Variants in SLF2 observed in about 807,000 individuals in gnomAD.
SLF2 encodes SMC5/6 complex localization factor 2.
Under a neutral mutation model 124.3 loss-of-function variants are expected in SLF2, and 68 were observed. The ratio of observed to expected loss-of-function variants is 0.55; its 90% confidence interval spans 0.45 to 0.67. The LOEUF (loss-of-function observed/expected upper bound fraction) is 0.67, where lower values mean the gene tolerates loss of function less well. Ranked by LOEUF, SLF2 falls within the 30% of genes least tolerant of loss-of-function variation. The pLI, the probability that SLF2 is intolerant of heterozygous loss-of-function variation, is 0.00. For synonymous variants in SLF2, 480 were observed against 478.8 expected, an observed-to-expected ratio of 1.00 and a Z score of -0.03; for missense variants, 1,246 against 1,373.7, an observed-to-expected ratio of 0.91 and a Z score of 1.47.
intron 13 of SLF2, 64 bp downstream of exon 13, chr10:100,945,570 A>C (rs566545845): frequency 7.1e-5 from 89 of 1,250,028 alleles, no homozygotes; most frequent in South Asian, 6.7e-4. Flanking sequence ...CTCATAGTGC[A>C]TATGGAATTA....
At chr10:100,949,548 C>T (rs1323273618) in intron 15 of SLF2, among the ~76,000 whole-genome samples, 1 of 151,900 alleles carries the variant, frequency 6.6e-6, no homozygotes, top group Non-Finnish European at 1.5e-5. Flanking sequence ...CGTTTGGTCT[C>T]CTAAGCATTT....
rs970439495 is a variant in SLF2, at chr10:100,936,158, G to A, written c.2437-1244G>A. Among the ~76,000 whole-genome samples the A allele has an allele frequency of 9.3e-5, 14 of 151,330 alleles. 1 individual carries two copies. The highest frequency in any genetic ancestry group is 3.4e-4 in the African/African-American group (14 of 41,116). ...TTACAGGTGTGAGACACTGCGCCTG[G>A]CCCTAGTGTAAAAGTTTTAACCAAA... On this transcript the variant is annotated intron_variant, in intron 9 of 19. Coordinates refer to ENST00000238961, the MANE Select transcript of SLF2 (RefSeq NM_018121.4).
intron 12 of SLF2, 68 bp downstream of exon 12, chr10:100,944,196 TAA>T (rs769926524): frequency 3.2e-4 from 264 of 836,844 alleles, no homozygotes; most frequent in Admixed American, 3.7e-4. Flanking sequence ...TAATGGTTTT[TAA>T]AAAAAAAAAA....
At chr10:100,949,476 A>G (rs2133818716) in intron 15 of SLF2, among the ~76,000 whole-genome samples, 1 of 152,322 alleles carries the variant, frequency 6.6e-6, no homozygotes, top group African/African-American at 2.4e-5. Context: ...CACAGAGTCA[A>G]CTTTGTTGAC....
chr10:100,952,387 C>CA (rs1001039652), intron 17 of SLF2, among the ~76,000 whole-genome samples: 23 of 145,262 alleles, frequency 1.6e-4, no homozygotes, highest in Admixed American at 9.7e-4. Flanking sequence ...ACTAAAAATA[C>CA]AAAAAAAAAA....
intron 4 of SLF2, among the ~76,000 whole-genome samples, chr10:100,919,173 G>A (rs986329635): frequency 9.9e-5 from 15 of 151,790 alleles, no homozygotes; most frequent in Admixed American, 2.6e-4. Context: ...CACCATGCCC[G>A]ACTAATTTTT....
chr10:100,960,092 G>A (rs1187704679), intron 19 of SLF2, among the ~76,000 whole-genome samples: 1 of 152,122 alleles, frequency 6.6e-6, no homozygotes, highest in Non-Finnish European at 1.5e-5. Context: ...ATAATAATAA[G>A]TGAATCCATG....
intron 16 of SLF2, 120 bp from the exon 17 acceptor site, chr10:100,950,556 C>A: frequency 1.3e-6 from 1 of 794,044 alleles, no homozygotes; most frequent in South Asian, 1.8e-5. Flanking sequence ...ACTTACTGAC[C>A]AGCTGGGTTA....
intron 6 of SLF2, among the ~76,000 whole-genome samples, chr10:100,928,835 G>A (rs1029213556): frequency 3.3e-5 from 5 of 152,116 alleles, no homozygotes; most frequent in Admixed American, 1.3e-4. Flanking sequence ...TTAAGTGCTC[G>A]GTAAATGTTA....
At chr10:100,936,317 TTTTTGTTTTG>T (rs3051169) in intron 9 of SLF2, among the ~76,000 whole-genome samples, 111 of 148,434 alleles carry the variant, frequency 7.5e-4, no homozygotes, top group African/African-American at 2.3e-3. Context: ...GTGATATCTT[TTTTTGTTTTG>T]TTTTGTTTTG....
chr10:100,926,217 C>CAAG, intron 6 of SLF2, 198 bp downstream of exon 6: 1 of 1,543,584 alleles, frequency 6.5e-7, no homozygotes. Flanking sequence ...GAGACCCAGG[C>CAAG]AAGATTACTT....
Position 100,937,486 on chromosome 10 carries a change from A to G in SLF2, c.2512+9A>G, listed in dbSNP as rs1335115372. The G allele has an allele frequency of 3.3e-6, 5 of 1,496,308 alleles. No individual in the cohort carries two copies. The Admixed American group carries it at 8.4e-5, about 25-fold the overall frequency. 92.7% of individuals were successfully genotyped at this position (1,496,308 alleles called of 1,614,324 possible). A position where few individuals can be genotyped will look rare whatever the true frequency, so the allele number is the denominator to read the frequency against. On this transcript the variant is annotated intron_variant, in intron 10 of 19. Transcript: ENST00000238961. Reference sequence around the variant, plus strand: ...AATAACAATTAGAAATGGTAAGTATATCAACTTATTAAGATTTACCGTGTG... The same window carrying G: ...AATAACAATTAGAAATGGTAAGTATGTCAACTTATTAAGATTTACCGTGTG...
chr10:100,946,998 G>A, intron 13 of SLF2, 41 bp from the exon 14 acceptor site: 2 of 1,492,864 alleles, frequency 1.3e-6, no homozygotes, highest in Non-Finnish European at 1.9e-6. Context: ...TTATTCTACT[G>A]TTCTGTTTGA....
chr10:100,956,668 T>C (rs2133830986), intron 18 of SLF2, 131 bp downstream of exon 18: 1 of 621,462 alleles, frequency 1.6e-6, no homozygotes, highest in South Asian at 2.4e-5. Flanking sequence ...CTCATGCCTG[T>C]AATCCCAATA....
At chr10:100,933,676 A>G (rs145981686) in intron 9 of SLF2, among the ~76,000 whole-genome samples, 174 of 151,912 alleles carry the variant, frequency 1.1e-3, no homozygotes, top group African/African-American at 3.6e-3. Flanking sequence ...TTATTTATTT[A>G]TTTGTTTGTT....
At chr10:100,943,818 G>A (rs1662832677) in intron 11 of SLF2, 1 of 426,760 alleles carries the variant, frequency 2.3e-6, no homozygotes, top group African/African-American at 2.1e-5. Context: ...AGAGACTTTT[G>A]AGGGGAATGG....
At chr10:100,941,467 A>G (rs1337488714) in intron 11 of SLF2, among the ~76,000 whole-genome samples, 2 of 151,790 alleles carry the variant, frequency 1.3e-5, no homozygotes, top group Non-Finnish European at 2.9e-5. Context: ...ATTCCTTTTC[A>G]TTTCCTGAGT....
chr10:100,929,009 G>A (rs1849674072), intron 6 of SLF2, among the ~76,000 whole-genome samples: 1 of 152,174 alleles, frequency 6.6e-6, no homozygotes, highest in African/African-American at 2.4e-5. Context: ...TTCTGTGAGT[G>A]GTTTGGACAG....
intron 4 of SLF2, among the ~76,000 whole-genome samples, chr10:100,918,651 T>C (rs754041386): frequency 8.5e-4 from 130 of 152,334 alleles, no homozygotes; most frequent in Non-Finnish European, 1.4e-3. Context: ...AGACAGGGTC[T>C]TACTCTGTCA....
Sources: allele counts gnomAD v4.1 joint callset (sites outside exome capture counted in the v4.1 genomes callset), GRCh38; gene constraint gnomAD v4.1.1; transcripts MANE v1.5; gene names NCBI Gene and HGNC (gene_info 2026-07-23, HGNC 2026-07-21).